Variants in DNM2 observed in about 807,000 individuals in gnomAD.
DNM2 encodes the protein dynamin-2.
A neutral mutation model predicts 99.0 loss-of-function variants in DNM2; 15 were observed. The ratio of observed to expected loss-of-function variants is 0.15; its 90% CI spans 0.10 to 0.23. The LOEUF is 0.23. Among genes scored for constraint, DNM2 ranks in the 10% least tolerant of loss-of-function variants. The probability of loss-of-function intolerance (pLI) is 1.00; values close to 1 mark genes in which losing one functional copy is unlikely to be tolerated. For synonymous variants in DNM2, 525 were observed against 481.2 expected (o/e 1.09, Z -1.19); for missense variants, 742 against 1,189.4 (o/e 0.62, Z 5.53).
At chr19:10,785,282 T>C (rs535278773) in intron 6 of DNM2, among the ~76,000 whole-genome samples, 419 of 150,968 alleles carry the variant, frequency 2.8e-3, no homozygotes, top group African/African-American at 9.7e-3. Flanking sequence ...CACACCCGGC[T>C]AATTTTTTTT....
At chr19:10,803,533 T>G (rs2072231662) in intron 12 of DNM2, 1 of 780,194 alleles carries the variant, frequency 1.3e-6, no homozygotes, top group Non-Finnish European at 1.6e-6. Context: ...CTCACCTTGA[T>G]GTCTCTGCTT....
At chr19:10,757,957 A>AG (rs1002322380) in intron 1 of DNM2, among the ~76,000 whole-genome samples, 3 of 151,708 alleles carry the variant, frequency 2.0e-5, no homozygotes, top group Admixed American at 1.3e-4. Flanking sequence ...AAAAAAAAAA[A>AG]AAAAAAAAGA....
chr19:10,742,699 G>A (rs1336521872), intron 1 of DNM2, among the ~76,000 whole-genome samples: 1 of 152,094 alleles, frequency 6.6e-6, no homozygotes, highest in African/African-American at 2.4e-5. Context: ...GATGGTGCCT[G>A]GCAGATGGAG....
Position 10,795,787 on chromosome 19 carries a change from G to A in DNM2, c.1196+348G>A. 1 of 592,576 alleles carries A rather than the reference G, an allele frequency of 1.7e-6. No homozygotes were observed. Among genetic ancestry groups the A allele is most frequent in the Admixed American group, 3.0e-5 (1 of 33,778 alleles). 36.7% of individuals were successfully genotyped at this position (592,576 alleles called of 1,614,324 possible). A position where few individuals can be genotyped will look rare whatever the true frequency, so the allele number is the denominator to read the frequency against. ...CGGCACTGAATCAGGGTTTTGGGAA[G>A]CCAGCATGAGTCCCCATCATGGCTT... is the stretch of plus-strand genomic sequence containing the variant. On this transcript the variant is annotated intron_variant, in intron 9 of 20. Coordinates refer to ENST00000389253, the MANE Select transcript of DNM2 (RefSeq NM_001005361.3). This position sits in a 1 kb window ranked among gnomAD's most constrained non-coding sequence, Gnocchi z 4.2.
chr19:10,798,651 A>G, intron 11 of DNM2, 79 bp downstream of exon 11: 1 of 1,494,636 alleles, frequency 6.7e-7, no homozygotes, highest in Non-Finnish European at 9.3e-7. Context: ...GCATGCTGAC[A>G]GCTGCATATG....
chr19:10,830,226 C>G lies in DNM2; in HGVS notation c.2391C>G (p.Pro797=). 1 of 1,613,948 alleles carries G rather than the reference C, an allele frequency of 6.2e-7. No individual in the cohort carries two copies. Among genetic ancestry groups the G allele is most frequent in the Non-Finnish European group, 8.5e-7 (1 of 1,179,908 alleles). ...CAGGGCCCCCCCTGATTCCTGTTCCCGTGGGGGCAGCAGCCTCCTTCTCGG... is the reference window on the plus strand; with the variant it reads ...CAGGGCCCCCCCTGATTCCTGTTCCGGTGGGGGCAGCAGCCTCCTTCTCGG... ...PTPGPPLIPV[P]VGAAASFSAP... is the part of the protein sequence containing the mutation. Residue 797 remains proline, a synonymous_variant, in exon 20 of 21, where the codon CCC becomes CCG. Coordinates refer to ENST00000389253, the MANE Select transcript of DNM2 (RefSeq NM_001005361.3). This position sits in a 1 kb window ranked among gnomAD's most constrained non-coding sequence, Gnocchi z 4.8.
rs1010975352 is a variant in DNM2, at chr19:10,805,853, C to T, written c.1494-63C>T. The T allele has an allele frequency of 3.7e-6, 6 of 1,610,674 alleles. No individual in the cohort carries two copies. The Admixed American group carries it at 5.0e-5, about 13-fold the overall frequency. On this transcript the variant is annotated intron_variant, in intron 12 of 20. Coordinates refer to ENST00000389253, the MANE Select transcript of DNM2 (RefSeq NM_001005361.3). ...CCAGGGAGAGAACGGCCACATTCGC[C>T]TCTTCCCCTTCTTCCCCCCCGGCAT...
intron 1 of DNM2, among the ~76,000 whole-genome samples, chr19:10,742,591 C>T (rs969103388): frequency 6.6e-6 from 1 of 152,190 alleles, no homozygotes; most frequent in Non-Finnish European, 1.5e-5. Flanking sequence ...TGATCTTGCT[C>T]AGTTGTCCCC....
At chr19:10,808,430 G>GT (rs1442851426) in intron 13 of DNM2, 139 bp from the exon 14 acceptor site, 5 of 856,188 alleles carry the variant, frequency 5.8e-6, no homozygotes, top group African/African-American at 5.2e-5. Context: ...TTCTTTTGCT[G>GT]TTTTTTCCCC....
In DNM2 at chr19:10,759,955, A is replaced by C. The variant is rs1046248562; in HGVS notation, c.235+144A>C. The C allele has an allele frequency of 4.2e-6, 5 of 1,189,626 alleles. No homozygotes were observed. In the African/African-American group the frequency reaches 7.5e-5, roughly 18 times the overall value. The allele number at this position is 1,189,626 out of a possible 1,614,324, so 73.7% of individuals were successfully genotyped here. A position where few individuals can be genotyped will look rare whatever the true frequency, so the allele number is the denominator to read the frequency against. ...GTGTTCCACATGTGTGAGGAAATTG[A>C]AAAACGGCTCAGTGAACACTTACAC... is the stretch of plus-strand genomic sequence containing the variant. On this transcript the variant is annotated intron_variant, in intron 2 of 20. Coordinates refer to ENST00000389253, the MANE Select transcript of DNM2 (RefSeq NM_001005361.3).
Position 10,718,151 on chromosome 19 carries a change from G to A in DNM2, c.-92G>A. 3.2e-6 allele frequency: 4 copies of A among 1,254,500 alleles called. No individual in the cohort carries two copies. The highest frequency in any genetic ancestry group is 4.0e-6 in the Non-Finnish European group (4 of 995,946). 77.7% of individuals were successfully genotyped at this position (1,254,500 alleles called of 1,614,324 possible). ...TCTTGCCGAGGCCCGGGCGGGCGGGGAGCAACGGCTACAGACGCCGCGGGG... is the reference window on the plus strand; with the variant it reads ...TCTTGCCGAGGCCCGGGCGGGCGGGAAGCAACGGCTACAGACGCCGCGGGG... On this transcript the variant is annotated 5_prime_UTR_variant, in exon 1 of 21. Coordinates refer to ENST00000389253, the MANE Select transcript of DNM2 (RefSeq NM_001005361.3).
In DNM2 at chr19:10,801,272, C is replaced by T. The variant is rs192993329; in HGVS notation, c.1423-1016C>T. Among the ~76,000 whole-genome samples, 79 of 151,948 alleles carry T rather than the reference C, an allele frequency of 5.2e-4. No individual in the cohort carries two copies. In the Middle Eastern group the frequency reaches 0.01, roughly 20 times the overall value. ...AGTGAGCCGAGATTACGCCATTGCA[C>T]GCCAGCCTGGGTAACACAGTGAGAC... On this transcript the variant is annotated intron_variant, in intron 11 of 20. Coordinates refer to ENST00000389253, the MANE Select transcript of DNM2 (RefSeq NM_001005361.3).
chr19:10,804,276 C>A (rs1242347908), intron 12 of DNM2, among the ~76,000 whole-genome samples: 3 of 152,110 alleles, frequency 2.0e-5, no homozygotes, highest in Admixed American at 2.0e-4. Context: ...TCACTGTCAC[C>A]CAGCCATCAC....
chr19:10,744,350 G>A (rs2069882512), intron 1 of DNM2, among the ~76,000 whole-genome samples: 1 of 152,162 alleles, frequency 6.6e-6, no homozygotes, highest in African/African-American at 2.4e-5. Flanking sequence ...GAGATACGCT[G>A]TGGGGGTGGG....
At chr19:10,803,466 G>A (rs567045620) in intron 12 of DNM2, among the ~76,000 whole-genome samples, 13 of 152,314 alleles carry the variant, frequency 8.5e-5, no homozygotes, top group African/African-American at 2.9e-4. Context: ...GCTCCCGGCC[G>A]CCGGGTGTGT....
intron 4 of DNM2, among the ~76,000 whole-genome samples, chr19:10,776,762 G>A (rs1283385059): frequency 3.3e-5 from 5 of 152,204 alleles, no homozygotes; most frequent in Admixed American, 1.3e-4. Flanking sequence ...GGACTTTGCC[G>A]GCACTTGGAA....
chr19:10,789,198 A>G (rs1183827976), intron 7 of DNM2, among the ~76,000 whole-genome samples: 1 of 152,036 alleles, frequency 6.6e-6, no homozygotes, highest in Non-Finnish European at 1.5e-5. Context: ...ACTCTGTCTC[A>G]AACAAACAAA....
At chr19:10,786,146 G>T (rs1395208746) in intron 6 of DNM2, among the ~76,000 whole-genome samples, 2 of 152,210 alleles carry the variant, frequency 1.3e-5, no homozygotes, top group African/African-American at 4.8e-5. Context: ...TGTAGATGCA[G>T]ATGCAGCCGG....
Position 10,765,118 on chromosome 19 carries a change from C to T in DNM2, c.235+5307C>T, listed in dbSNP as rs1288814326. 2.0e-5 allele frequency among the ~76,000 whole-genome samples: 3 copies of T among 152,198 alleles called. No homozygotes were observed. The highest frequency in any genetic ancestry group is 2.9e-5 in the Non-Finnish European group (2 of 68,006). On this transcript the variant is annotated intron_variant, in intron 2 of 20. Transcript: ENST00000389253. The surrounding 1 kb of genome is among the most constrained non-coding windows in gnomAD (Gnocchi z 4.4). ...GACTACAGGCGCCCGCCACCTCGCC[C>T]GGCTAATTTTTTTGTATGCTTAGTA...
Sources: gnomAD v4.1 joint callset for allele counts (sites outside exome capture counted in the v4.1 genomes callset) on GRCh38, gnomAD v4.1.1 for gene constraint, Gnocchi (gnomAD v3.1) non-coding constraint, MANE v1.5 for transcripts, NCBI Gene and HGNC (gene_info 2026-07-23, HGNC 2026-07-21) for gene names.